The following CDH13 variants were observed in gnomAD, a reference collection of about 807,000 sequenced individuals.
CDH13 encodes cadherin 13, also known as cadherin-13.
A neutral mutation model predicts 63.8 loss-of-function variants in CDH13; 24 were observed. The observed-to-expected ratio is 0.38, with a 90% CI of 0.27 to 0.53. The LOEUF (loss-of-function observed/expected upper bound fraction) is 0.53, where lower values mean the gene tolerates loss of function less well. CDH13 is among the 20% of genes least tolerant of loss of function. The probability of loss-of-function intolerance (pLI) is 0.85; values close to 1 mark genes in which losing one functional copy is unlikely to be tolerated. For missense variants in CDH13, 1,049 were observed against 903.1 expected (o/e 1.16, Z -2.07); for synonymous variants, 503 against 355.3 (o/e 1.42, Z -4.67).
chr16:83,411,757 T>A (rs1255305039), intron 6 of CDH13, among the ~76,000 whole-genome samples: 1 of 152,166 alleles, frequency 6.6e-6, no homozygotes, highest in Non-Finnish European at 1.5e-5. Flanking sequence ...AGCTAGTGGA[T>A]AGTGTGATGA....
At chr16:83,156,501 C>G (rs1403593669) in intron 4 of CDH13, among the ~76,000 whole-genome samples, 3 of 152,112 alleles carry the variant, frequency 2.0e-5, no homozygotes, top group Non-Finnish European at 2.9e-5. Flanking sequence ...GAGTGATTGC[C>G]TGTGTGTCCA....
intron 1 of CDH13, among the ~76,000 whole-genome samples, chr16:82,715,100 C>T (rs2032267897): frequency 6.7e-6 from 1 of 149,318 alleles, no homozygotes; most frequent in Admixed American, 6.8e-5. Context: ...TAGACAGGAC[C>T]CTAGCTAAGT....
At position 82,813,867 on chromosome 16, in the gene CDH13, T is replaced by C. The variant is rs28705668; in HGVS notation, c.46-44495T>C. 7.7e-3 allele frequency among the ~76,000 whole-genome samples: 1,172 copies of C among 152,330 alleles called. 9 individuals carry two copies. The highest frequency in any genetic ancestry group is 0.027 in the African/African-American group (1,141 of 41,586). ...CAAGTATTAGCTATTCCTCAGATGA[T>C]TGTGGGACCTTGAACAAGTCTCTTG... On this transcript the variant is annotated intron_variant, in intron 1 of 13. Coordinates refer to ENST00000567109, the MANE Select transcript of CDH13 (RefSeq NM_001257.5).
rs527272694 is a variant in CDH13 at position 83,191,267 on chromosome 16, C to T, written c.484-26078C>T. On this transcript the variant is annotated intron_variant, in intron 4 of 13. Transcript: ENST00000567109. ...GACAGAATAAGCCTGTAACAAATCA[C>T]AAGTGTTAATAGTTTGTCTAGGCCA... Among the ~76,000 whole-genome samples the T allele has an allele frequency of 1.4e-4, 20 of 145,634 alleles. No individual in the cohort carries two copies. In the South Asian group the frequency reaches 3.9e-3, roughly 29 times the overall value.
At chr16:83,324,249 C>G (rs912310385) in intron 5 of CDH13, among the ~76,000 whole-genome samples, 1 of 152,110 alleles carries the variant, frequency 6.6e-6, no homozygotes, top group African/African-American at 2.4e-5. Flanking sequence ...CATGGTCAGG[C>G]TGGTCTTGAA....
At chr16:83,719,593 G>T (rs758728708) in intron 10 of CDH13, among the ~76,000 whole-genome samples, 1 of 152,146 alleles carries the variant, frequency 6.6e-6, no homozygotes, top group East Asian at 1.9e-4. Flanking sequence ...GCTACCGAGC[G>T]CTTCCTGCAT....
intron 1 of CDH13, among the ~76,000 whole-genome samples, chr16:82,697,844 T>C (rs1364074901): frequency 6.6e-6 from 1 of 152,130 alleles, no homozygotes; most frequent in Non-Finnish European, 1.5e-5. Flanking sequence ...ATAGAATTTA[T>C]ATTTGCACTG....
intron 1 of CDH13, among the ~76,000 whole-genome samples, chr16:82,836,141 T>C (rs2038756854): frequency 6.6e-6 from 1 of 152,192 alleles, no homozygotes; most frequent in Admixed American, 6.5e-5. Context: ...TTTTTGTTTT[T>C]TTGAGATGGA....
intron 7 of CDH13, among the ~76,000 whole-genome samples, chr16:83,600,840 G>A (rs954821314): frequency 6.6e-6 from 1 of 152,078 alleles, no homozygotes; most frequent in South Asian, 2.1e-4. Context: ...ATGATGAAGC[G>A]GCTCCAGTAC....
At chr16:83,129,501 C>T (rs529090043) in intron 4 of CDH13, among the ~76,000 whole-genome samples, 13 of 152,256 alleles carry the variant, frequency 8.5e-5, no homozygotes, top group African/African-American at 2.6e-4. Flanking sequence ...AAGCCAGCTA[C>T]CCCTGTGGGT....
chr16:83,009,626 C>G (rs1356561279), intron 2 of CDH13, among the ~76,000 whole-genome samples: 2 of 152,178 alleles, frequency 1.3e-5, no homozygotes, highest in Admixed American at 6.5e-5. Context: ...CCAATATTCT[C>G]TCTGCATATT....
chr16:82,806,521 C>G (rs2037154418), intron 1 of CDH13, among the ~76,000 whole-genome samples: 1 of 152,058 alleles, frequency 6.6e-6, no homozygotes, highest in Admixed American at 6.6e-5. Flanking sequence ...GTTTTTGTAA[C>G]ATTATCTCTC....
At chr16:83,086,471 A>G (rs2033601281) in intron 3 of CDH13, among the ~76,000 whole-genome samples, 1 of 152,184 alleles carries the variant, frequency 6.6e-6, no homozygotes, top group Admixed American at 6.5e-5. Context: ...ATTGCAGTAC[A>G]GTGGAGCTGT....
intron 4 of CDH13, among the ~76,000 whole-genome samples, chr16:83,148,644 C>T (rs77855074): frequency 0.049 from 7,434 of 152,190 alleles, 230 homozygotes; most frequent in East Asian, 0.11. Flanking sequence ...GGTAAACTCT[C>T]GCACCATATT....
intron 7 of CDH13, among the ~76,000 whole-genome samples, chr16:83,513,029 A>G (rs922938092): frequency 1.7e-3 from 234 of 134,136 alleles, no homozygotes; most frequent in African/African-American, 8.6e-3. Context: ...TAAAAGAAGA[A>G]AAAAAAAAAG....
intron 7 of CDH13, among the ~76,000 whole-genome samples, chr16:83,592,849 A>G (rs550709058): frequency 6.6e-6 from 1 of 152,340 alleles, no homozygotes; most frequent in South Asian, 2.1e-4. Flanking sequence ...CCAAGAGGTA[A>G]GGTGAAAAGA....
At chr16:83,730,780 A>G (rs1336780400) in intron 10 of CDH13, among the ~76,000 whole-genome samples, 1 of 152,128 alleles carries the variant, frequency 6.6e-6, no homozygotes, top group Non-Finnish European at 1.5e-5. Flanking sequence ...CAGTGTGCAT[A>G]GTACCCGATA....
intron 7 of CDH13, among the ~76,000 whole-genome samples, chr16:83,542,619 C>T (rs1278576222): frequency 6.6e-6 from 1 of 152,244 alleles, no homozygotes; most frequent in Non-Finnish European, 1.5e-5. Context: ...AAGCCATGCT[C>T]TGGCAGCTAG....
chr16:82,844,411 C>G, intron 1 of CDH13: 1 of 151,762 alleles, frequency 6.6e-6, no homozygotes, highest in East Asian at 2.0e-4. Flanking sequence ...ACCATCCTGG[C>G]TAACATGGTT....
Sources: allele counts gnomAD v4.1 joint callset (sites outside exome capture counted in the v4.1 genomes callset), GRCh38; gene constraint gnomAD v4.1.1; transcripts MANE v1.5; gene names NCBI Gene and HGNC (gene_info 2026-07-23, HGNC 2026-07-21).